The following GBA2 variants were observed in gnomAD, a reference collection of about 807,000 sequenced individuals.
The protein encoded by GBA2 is non-lysosomal glucosylceramidase.
Under a neutral mutation model 112.9 loss-of-function variants are expected in GBA2, and 79 were observed. The ratio of observed to expected loss-of-function variants is 0.70; its 90% CI spans 0.58 to 0.84. The LOEUF is 0.84. Among genes scored for constraint, GBA2 ranks in the 40% least tolerant of loss-of-function variants. GBA2 has a pLI of 0.00. For missense variants in GBA2, 1,043 were observed against 1,190.0 expected (o/e 0.88, Z 1.82); for synonymous variants, 403 against 434.3 (o/e 0.93, Z 0.90).
chr9:35,738,568 T>C lies in GBA2; in HGVS notation c.2012A>G (p.Tyr671Cys), dbSNP rs777305994. Residue 671 changes from tyrosine (Y) to cysteine (C), a missense_variant, in exon 13 of 17, where the codon TAT (tyrosine) becomes TGT (cysteine). By Grantham distance (194) the Tyr-to-Cys change is radical. Transcript: ENST00000378103. ...CCATCCATCATAGGTCTGGTCTGCA[T>C]AGCCTCCATTTTCAATGAGTCCATC... ...DHDGLIENGG[Y>C]ADQTYDGWVT... The C allele has an allele frequency of 6.2e-7, 1 of 1,614,028 alleles. No homozygotes were observed. Among genetic ancestry groups the C allele is most frequent in the Non-Finnish European group, 8.5e-7 (1 of 1,179,850 alleles).
rs1284860522 is a variant in GBA2 at position 35,740,953 on chromosome 9, C to T, written c.898G>A (p.Asp300Asn). 1.4e-5 allele frequency: 23 copies of T among 1,614,162 alleles called. No homozygotes were observed. The highest frequency in any genetic ancestry group is 4.5e-5 in the East Asian group (2 of 44,878). The change falls in exon 5 of 17, where the codon GAT becomes AAT. Residue 300 changes from aspartate to asparagine, a missense_variant. Transcript: ENST00000378103. This position sits in a 1 kb window ranked among gnomAD's most constrained non-coding sequence, Gnocchi z 4.7. Reference sequence around the variant, plus strand: ...TCATTCCACAAACCCCCTGGGGCATCGTCTCCACCACCCAGTCCATTCCGC... The same window carrying T: ...TCATTCCACAAACCCCCTGGGGCATTGTCTCCACCACCCAGTCCATTCCGC... ...SMRNGLGGGD[D>N]APGGLWNEPF...
Position 35,741,576 on chromosome 9 carries a change from G to C in GBA2, c.786+96C>G, listed in dbSNP as rs1351648373. The C allele has an allele frequency of 3.6e-6, 3 of 838,080 alleles. No homozygotes were observed. The highest frequency in any genetic ancestry group is 6.3e-6 in the Non-Finnish European group (3 of 478,512). 51.9% of individuals were successfully genotyped at this position (838,080 alleles called of 1,614,324 possible). A position where few individuals can be genotyped will look rare whatever the true frequency, so the allele number is the denominator to read the frequency against. Reference sequence around the variant, plus strand: ...GCCTCCCAAAGTGTTGGGATTACAGGCGTGAGCTACCGCGCCTCGCAGGCC... The same window carrying C: ...GCCTCCCAAAGTGTTGGGATTACAGCCGTGAGCTACCGCGCCTCGCAGGCC... On this transcript the variant is annotated intron_variant, in intron 4 of 16. Coordinates refer to ENST00000378103, the MANE Select transcript of GBA2 (RefSeq NM_020944.3). This position sits in a 1 kb window ranked among gnomAD's most constrained non-coding sequence, Gnocchi z 4.6.
rs1347178549 is a variant in GBA2 at position 35,737,345 on chromosome 9, G to A, written c.2608C>T (p.Arg870Ter). The change falls in exon 17 of 17, where the codon CGA becomes TGA. Residue 870 changes from arginine to a stop codon, truncating the protein, a stop_gained. Transcript: ENST00000378103. LOFTEE classifies it high-confidence loss of function. This position sits in a 1 kb window ranked among gnomAD's most constrained non-coding sequence, Gnocchi z 4.1. ...ATGTAGGCCAGTGAGCGGAACACTC[G>A]CTGCTGGCAGTATGCCTCTGGGGTC... ...FQTPEAYCQQ[R>*]VFRSLAYMRP... 13 of 1,614,002 alleles carry A rather than the reference G, an allele frequency of 8.1e-6. No individual in the cohort carries two copies. The highest frequency in any genetic ancestry group is 1.0e-5 in the Non-Finnish European group (12 of 1,180,026).
chr9:35,744,559 G>A, intron 2 of GBA2, 56 bp downstream of exon 2: 1 of 1,162,890 alleles, frequency 8.6e-7, no homozygotes, highest in Non-Finnish European at 1.3e-6. Flanking sequence ...TCCTAACTGT[G>A]GTAGACCTGG....
At chr9:35,743,931 G>C (rs1826837383) in intron 3 of GBA2, among the ~76,000 whole-genome samples, 1 of 152,002 alleles carries the variant, frequency 6.6e-6, no homozygotes, top group African/African-American at 2.4e-5. Context: ...TATAGACTTT[G>C]GGTTTTCTTT....
chr9:35,745,203 A>C (rs1265206720), intron 1 of GBA2, among the ~76,000 whole-genome samples: 1 of 151,790 alleles, frequency 6.6e-6, no homozygotes, highest in Non-Finnish European at 1.5e-5. Context: ...GCTCACTGCA[A>C]ACTCCGCCTC....
chr9:35,744,578 C>G, intron 2 of GBA2, 37 bp downstream of exon 2: 1 of 1,305,082 alleles, frequency 7.7e-7, no homozygotes, highest in Non-Finnish European at 1.1e-6. Flanking sequence ...GGAGGCTAGG[C>G]CTTCTCTGAG....
chr9:35,743,932 G>A (rs1369453443), intron 3 of GBA2, among the ~76,000 whole-genome samples: 1 of 151,972 alleles, frequency 6.6e-6, no homozygotes, highest in Non-Finnish European at 1.5e-5. Flanking sequence ...ATAGACTTTG[G>A]GTTTTCTTTT....
Position 35,737,865 on chromosome 9 carries a change from C to T in GBA2, c.2388G>A (p.Gly796=), listed in dbSNP as rs546011240. 11 of 1,613,730 alleles carry T rather than the reference C, an allele frequency of 6.8e-6. No individual in the cohort carries two copies. The East Asian group carries it at 2.0e-4, about 29-fold the overall frequency. Residue 796 remains glycine, a synonymous_variant, in exon 16 of 17, where the codon GGG becomes GGA. Coordinates refer to ENST00000378103, the MANE Select transcript of GBA2 (RefSeq NM_020944.3). This position sits in a 1 kb window ranked among gnomAD's most constrained non-coding sequence, Gnocchi z 4.1. ...FELNVQAFAG[G]AMGAVNGMQP... ...GCATCCCATTCACAGCCCCCATGGC[C>T]CCTCCTGCAAAGGCCTGGACGTTCA...
At position 35,736,921 on chromosome 9, in the gene GBA2, T is replaced by C. The variant is rs1826237397; in HGVS notation, c.*248A>G. On this transcript the variant is annotated 3_prime_UTR_variant, in exon 17 of 17. Transcript: ENST00000378103. ...GTGTCTGTCACACCATGAATGTACC[T>C]GGGGAAATCAACTGACCTCCCTGAA... is the stretch of plus-strand genomic sequence containing the variant. The C allele has an allele frequency of 2.7e-6, 2 of 731,022 alleles. No individual in the cohort carries two copies. The highest frequency in any genetic ancestry group is 2.2e-6 in the Non-Finnish European group (1 of 454,836). The allele number at this position is 731,022 out of a possible 1,614,324, so 45.3% of individuals were successfully genotyped here. A position where few individuals can be genotyped will look rare whatever the true frequency, so the allele number is the denominator to read the frequency against.
intron 12 of GBA2, 45 bp downstream of exon 12, chr9:35,738,707 C>A (rs1187510638): frequency 6.2e-7 from 1 of 1,610,206 alleles, no homozygotes; most frequent in Non-Finnish European, 8.5e-7. Flanking sequence ...TCCCAGACAC[C>A]AACCATACCC....
Position 35,744,638 on chromosome 9 carries a change from G to T in GBA2, c.428C>A (p.Ser143Tyr). 1 of 1,606,450 alleles carries T rather than the reference G, an allele frequency of 6.2e-7. No individual in the cohort carries two copies. The highest frequency in any genetic ancestry group is 8.5e-7 in the Non-Finnish European group (1 of 1,172,956). The change falls in exon 2 of 17, where the codon TCT (serine) becomes TAT (tyrosine). Residue 143 changes from serine to tyrosine, a missense_variant. Coordinates refer to ENST00000378103, the MANE Select transcript of GBA2 (RefSeq NM_020944.3). ...ACCATAAATCTGTCTTAGGGGTACA[G>T]AATTGATCATGTCGATGAAAGGTGT... ...KKTPFIDMINSVPLRQIYGCP... is the reference protein window; with the variant it reads ...KKTPFIDMINYVPLRQIYGCP...
intron 1 of GBA2, among the ~76,000 whole-genome samples, chr9:35,747,961 C>A (rs187340328): frequency 1.3e-5 from 2 of 152,218 alleles, no homozygotes; most frequent in Non-Finnish European, 2.9e-5. Context: ...GAGACCCCCC[C>A]ACCCCCAAAT....
In GBA2 at chr9:35,744,774, G is replaced by A. The variant is rs1826891183; in HGVS notation, c.360-68C>T. The A allele has an allele frequency of 3.6e-6, 3 of 823,896 alleles. No individual in the cohort carries two copies. The Admixed American group carries it at 5.3e-5, about 15-fold the overall frequency. 51.0% of individuals were successfully genotyped at this position (823,896 alleles called of 1,614,324 possible). A position where few individuals can be genotyped will look rare whatever the true frequency, so the allele number is the denominator to read the frequency against. ...CAGCTGTTCACAGGCTGAGTCACCT[G>A]CCTCTCTCTGTGACCTCCCATTAAA... On this transcript the variant is annotated intron_variant, in intron 1 of 16. Transcript: ENST00000378103.
chr9:35,740,779 G>A lies in GBA2; in HGVS notation c.1026+46C>T. ...TGGATGAAGAGACCATGCTGGGGTG[G>A]AGGTGGGGTTCAGGGGCTAAGGTAT... On this transcript the variant is annotated intron_variant, in intron 5 of 16. Coordinates refer to ENST00000378103, the MANE Select transcript of GBA2 (RefSeq NM_020944.3). The surrounding 1 kb of genome is among the most constrained non-coding windows in gnomAD (Gnocchi z 4.7). The A allele has an allele frequency of 6.2e-7, 1 of 1,605,824 alleles. No individual in the cohort carries two copies. The highest frequency in any genetic ancestry group is 1.1e-5 in the South Asian group (1 of 90,640).
Position 35,738,541 on chromosome 9 carries a change from A to C in GBA2, c.2039T>G (p.Val680Gly). The C allele has an allele frequency of 1.2e-6, 2 of 1,612,646 alleles. No individual in the cohort carries two copies. The highest frequency in any genetic ancestry group is 1.7e-6 in the Non-Finnish European group (2 of 1,178,630). The change falls in exon 13 of 17, where the codon GTG becomes GGG. Residue 680 changes from valine to glycine, a missense_variant. Coordinates refer to ENST00000378103, the MANE Select transcript of GBA2 (RefSeq NM_020944.3). ...ACCCGCTAACCTGGGGCCTGTGGTC[A>C]CCCATCCATCATAGGTCTGGTCTGC... ...GYADQTYDGW[V>G]TTGPSAYCGG... is the part of the protein sequence containing the mutation.
Position 35,737,001 on chromosome 9 carries a change from G to A in GBA2, c.*168C>T. On this transcript the variant is annotated 3_prime_UTR_variant, in exon 17 of 17. Coordinates refer to ENST00000378103, the MANE Select transcript of GBA2 (RefSeq NM_020944.3). This position sits in a 1 kb window ranked among gnomAD's most constrained non-coding sequence, Gnocchi z 4.1. ...AAAGAAATAAATAAGTGATTCTAAT[G>A]CTGCCTAGGTCACCCTCAACCCCCA... 1 of 1,032,768 alleles carries A rather than the reference G, an allele frequency of 9.7e-7. No homozygotes were observed. The highest frequency in any genetic ancestry group is 1.4e-6 in the Non-Finnish European group (1 of 725,530). The allele number at this position is 1,032,768 out of a possible 1,614,324, so 64.0% of individuals were successfully genotyped here.
Position 35,738,737 on chromosome 9 carries a change from ATG to A in GBA2, c.1947+13_1947+14del. On this transcript the variant is annotated intron_variant, in intron 12 of 16. Coordinates refer to ENST00000378103, the MANE Select transcript of GBA2 (RefSeq NM_020944.3). ...ATACCCCTGGCACACTGGCCACTGC[ATG>A]TGCATCCCTTACTAGACACACAGGC... is the stretch of plus-strand genomic sequence containing the variant. 6.2e-7 allele frequency: 1 copy of A among 1,613,090 alleles called. No homozygotes were observed. The highest frequency in any genetic ancestry group is 8.5e-7 in the Non-Finnish European group (1 of 1,178,972).
At chr9:35,742,871 T>C (rs1479400588) in intron 3 of GBA2, among the ~76,000 whole-genome samples, 1 of 152,244 alleles carries the variant, frequency 6.6e-6, no homozygotes, top group Non-Finnish European at 1.5e-5. Context: ...TTGTATACAG[T>C]GGGCTCTCCA....
Sources: allele counts gnomAD v4.1 joint callset (sites outside exome capture counted in the v4.1 genomes callset), GRCh38; gene constraint gnomAD v4.1.1; non-coding constraint Gnocchi (gnomAD v3.1); transcripts MANE v1.5; gene names NCBI Gene and HGNC (gene_info 2026-07-23, HGNC 2026-07-21).